Variants in ST8SIA1 observed in about 807,000 individuals in gnomAD.
ST8SIA1 encodes the protein ST8 alpha-N-acetyl-neuraminide alpha-2,8-sialyltransferase 1.
ST8SIA1 carries 16 observed loss-of-function variants against 35.9 expected under a neutral mutation model. The ratio of observed to expected loss-of-function variants is 0.45; its 90% CI spans 0.30 to 0.68. The LOEUF (loss-of-function observed/expected upper bound fraction) is 0.68. Ranked by LOEUF, ST8SIA1 falls within the 30% of genes least tolerant of loss-of-function variation. The pLI is 0.09. For synonymous variants in ST8SIA1, 170 were observed against 169.6 expected (o/e 1.00, Z -0.02); for missense variants, 383 against 453.6 (o/e 0.84, Z 1.41).
chr12:22,259,348 A>G (rs1402261602), intron 2 of ST8SIA1, among the ~76,000 whole-genome samples: 1 of 152,224 alleles, frequency 6.6e-6, no homozygotes, highest in Non-Finnish European at 1.5e-5. Flanking sequence ...TTTCATTTCA[A>G]TAAATATTTC....
chr12:22,205,921 ATATT>A (rs1424172228), intron 4 of ST8SIA1, among the ~76,000 whole-genome samples: 1 of 152,208 alleles, frequency 6.6e-6, no homozygotes, highest in Non-Finnish European at 1.5e-5. Flanking sequence ...ACTCTGAGAA[ATATT>A]TACAGCAAAT....
At chr12:22,246,694 C>T (rs1299750053) in intron 4 of ST8SIA1, among the ~76,000 whole-genome samples, 1 of 151,886 alleles carries the variant, frequency 6.6e-6, no homozygotes, top group Non-Finnish European at 1.5e-5. Flanking sequence ...GTTGAGAGCA[C>T]GGGCTTTGGA....
intron 1 of ST8SIA1, among the ~76,000 whole-genome samples, chr12:22,294,358 G>T (rs930522564): frequency 1.3e-5 from 2 of 151,990 alleles, no homozygotes; most frequent in African/African-American, 4.8e-5. Context: ...GACCTAATAG[G>T]CCGAAATACA....
At chr12:22,230,829 G>A (rs1389342099) in intron 4 of ST8SIA1, among the ~76,000 whole-genome samples, 2 of 152,100 alleles carry the variant, frequency 1.3e-5, no homozygotes, top group Non-Finnish European at 2.9e-5. Context: ...CTGGGAATGG[G>A]AGCAAGGATA....
At chr12:22,329,171 G>A (rs561269205) in intron 1 of ST8SIA1, among the ~76,000 whole-genome samples, 27 of 152,152 alleles carry the variant, frequency 1.8e-4, no homozygotes, top group Non-Finnish European at 3.7e-4. Flanking sequence ...TGAGAGAGAT[G>A]TATACAGCAT....
Position 22,212,805 on chromosome 12 carries a change from G to C in ST8SIA1, c.585-10767C>G, listed in dbSNP as rs76581288. ...ACACCATCTTTGTAAGACTACAGTG[G>C]GGCCTCAATTCTGCTAAGAGGTAGG... On this transcript the variant is annotated intron_variant, in intron 4 of 4. Coordinates refer to ENST00000396037, the MANE Select transcript of ST8SIA1 (RefSeq NM_003034.4). Among the ~76,000 whole-genome samples the C allele has an allele frequency of 3.7e-3, 567 of 152,206 alleles. 8 individuals are homozygous for C. Among genetic ancestry groups the C allele is most frequent in the African/African-American group, 0.012 (486 of 41,520 alleles).
intron 2 of ST8SIA1, among the ~76,000 whole-genome samples, chr12:22,274,228 C>G (rs1375293166): frequency 1.3e-5 from 2 of 152,152 alleles, no homozygotes; most frequent in Non-Finnish European, 2.9e-5. Context: ...TCCTAAAAAT[C>G]AATGGGAAGA....
At chr12:22,225,163 C>T (rs888416477) in intron 4 of ST8SIA1, among the ~76,000 whole-genome samples, 1 of 152,132 alleles carries the variant, frequency 6.6e-6, no homozygotes, top group South Asian at 2.1e-4. Flanking sequence ...ACCTCGATTT[C>T]AAAATTCTAG....
intron 1 of ST8SIA1, among the ~76,000 whole-genome samples, chr12:22,320,309 C>A (rs1866569644): frequency 6.6e-6 from 1 of 152,050 alleles, no homozygotes; most frequent in Admixed American, 6.6e-5. Flanking sequence ...CAGTCAAGGC[C>A]CCACCCTGAG....
Position 22,264,095 on chromosome 12 carries a change from A to G in ST8SIA1, c.382-8706T>C, listed in dbSNP as rs573300436. ...ACACAATTATGCTTCATCCACACAC[A>G]TAATTTAATTTCTTGCCCATATGTT... On this transcript the variant is annotated intron_variant, in intron 2 of 4. Transcript: ENST00000396037. Among the ~76,000 whole-genome samples the G allele has an allele frequency of 5.9e-5, 9 of 152,258 alleles. No homozygotes were observed. The East Asian group carries it at 1.7e-3, about 29-fold the overall frequency.
At chr12:22,287,410 A>G (rs1251333134) in intron 1 of ST8SIA1, 117 bp from the exon 2 acceptor site, 22 of 1,002,908 alleles carry the variant, frequency 2.2e-5, no homozygotes, top group Non-Finnish European at 3.0e-5. Context: ...TCACAGAAGC[A>G]TAGCATCTCC....
chr12:22,237,579 A>T (rs1017262677), intron 4 of ST8SIA1, among the ~76,000 whole-genome samples: 2 of 151,442 alleles, frequency 1.3e-5, no homozygotes, highest in Non-Finnish European at 2.9e-5. Flanking sequence ...GCATTTCACC[A>T]TTTATTGAAA....
At chr12:22,238,484 A>G (rs1166628237) in intron 4 of ST8SIA1, among the ~76,000 whole-genome samples, 1 of 152,214 alleles carries the variant, frequency 6.6e-6, no homozygotes, top group East Asian at 1.9e-4. Context: ...GGCTGCTCCA[A>G]GCCTTTGCTA....
chr12:22,225,168 T>G (rs189417806), intron 4 of ST8SIA1, among the ~76,000 whole-genome samples: 95 of 152,316 alleles, frequency 6.2e-4, no homozygotes, highest in African/African-American at 2.2e-3. Flanking sequence ...GATTTCAAAA[T>G]TCTAGCCTCC....
At chr12:22,267,411 A>C (rs1274737035) in intron 2 of ST8SIA1, among the ~76,000 whole-genome samples, 4 of 152,262 alleles carry the variant, frequency 2.6e-5, no homozygotes, top group African/African-American at 9.6e-5. Flanking sequence ...TAAGCCAAGC[A>C]GAGAATATTC....
chr12:22,258,506 G>GA lies in ST8SIA1; in HGVS notation c.382-3118dup, dbSNP rs1175104116. Among the ~76,000 whole-genome samples, 8 of 151,648 alleles carry GA rather than the reference G, an allele frequency of 5.3e-5. No individual in the cohort carries two copies. The South Asian group carries it at 8.3e-4, about 16-fold the overall frequency. On this transcript the variant is annotated intron_variant, in intron 2 of 4. Transcript: ENST00000396037. ...AAAAAAAAGTGTCTAAAGAAGAAAA[G>GA]AAAAAAATTACATCAAATGCTATTG...
intron 3 of ST8SIA1, among the ~76,000 whole-genome samples, chr12:22,249,957 T>C (rs776450472): frequency 1.3e-5 from 2 of 152,164 alleles, no homozygotes; most frequent in Admixed American, 6.5e-5. Context: ...GTCTGACTTG[T>C]GTGTGTGTGG....
Position 22,290,653 on chromosome 12 carries a change from T to C in ST8SIA1, c.237-3360A>G, listed in dbSNP as rs184068890. On this transcript the variant is annotated intron_variant, in intron 1 of 4. Transcript: ENST00000396037. ...GGAGGACATTAAGTCATATCCAGGG[T>C]TGCAGGAAGGGTTTCCTGATCTGAG... Among the ~76,000 whole-genome samples, 680 of 152,280 alleles carry C rather than the reference T, an allele frequency of 4.5e-3. 7 individuals are homozygous for C. Among genetic ancestry groups the C allele is most frequent in the African/African-American group, 0.016 (658 of 41,542 alleles).
chr12:22,277,730 C>A (rs559227798), intron 2 of ST8SIA1, among the ~76,000 whole-genome samples: 11 of 152,180 alleles, frequency 7.2e-5, no homozygotes, highest in Admixed American at 2.0e-4. Flanking sequence ...TGACTTAACC[C>A]AGTGGCAGTG....
Sources: gnomAD v4.1 joint callset for allele counts (sites outside exome capture counted in the v4.1 genomes callset) on GRCh38, gnomAD v4.1.1 for gene constraint, MANE v1.5 for transcripts, NCBI Gene and HGNC (gene_info 2026-07-23, HGNC 2026-07-21) for gene names.